Variants in GABRG3 observed in about 807,000 individuals in gnomAD.
The protein encoded by GABRG3 is gamma-aminobutyric acid receptor subunit gamma-3.
Under a neutral mutation model 48.8 loss-of-function variants are expected in GABRG3, and 25 were observed. The ratio of observed to expected loss-of-function variants is 0.51; its 90% CI spans 0.37 to 0.72. The LOEUF (loss-of-function observed/expected upper bound fraction) is 0.72. Ranked by LOEUF, GABRG3 falls within the 30% of genes least tolerant of loss-of-function variation. GABRG3 has a pLI of 0.00. For synonymous variants in GABRG3, 227 were observed against 217.6 expected (o/e 1.04, Z -0.38); for missense variants, 394 against 577.9 (o/e 0.68, Z 3.26).
intron 3 of GABRG3, among the ~76,000 whole-genome samples, chr15:27,195,566 A>G (rs954548534): frequency 9.2e-5 from 14 of 152,050 alleles, no homozygotes; most frequent in African/African-American, 3.4e-4. Flanking sequence ...TCTTGACCTC[A>G]TGATCTGCCC....
At chr15:27,161,433 G>C (rs370346562) in intron 3 of GABRG3, 5 of 152,124 alleles carry the variant, frequency 3.3e-5, no homozygotes, top group Non-Finnish European at 7.4e-5. Flanking sequence ...TGCCACAGCA[G>C]AGGAACCCTG....
intron 3 of GABRG3, among the ~76,000 whole-genome samples, chr15:27,083,678 T>G (rs367829110): frequency 2.0e-5 from 3 of 152,148 alleles, no homozygotes; most frequent in African/African-American, 7.2e-5. Flanking sequence ...TGCAGTTATA[T>G]GCAATGGCCA....
intron 3 of GABRG3, among the ~76,000 whole-genome samples, chr15:27,312,586 A>G (rs1341527372): frequency 1.3e-5 from 2 of 152,168 alleles, no homozygotes; most frequent in Non-Finnish European, 2.9e-5. Flanking sequence ...TAAAACTGTG[A>G]GTGGAGTTTC....
chr15:27,096,582 A>G (rs538060597), intron 3 of GABRG3, among the ~76,000 whole-genome samples: 14 of 152,320 alleles, frequency 9.2e-5, no homozygotes, highest in Non-Finnish European at 1.8e-4. Context: ...AGCTCTGTGT[A>G]TACATTTCAT....
At chr15:27,455,645 T>TGTGA (rs1491146035) in intron 5 of GABRG3, among the ~76,000 whole-genome samples, 1 of 151,062 alleles carries the variant, frequency 6.6e-6, no homozygotes, top group Admixed American at 6.6e-5. Context: ...GTGGGTGGTT[T>TGTGA]GTGTGTGTGA....
At chr15:27,328,658 G>A (rs796810043) in intron 4 of GABRG3, 148 bp from the exon 5 acceptor site, 56 of 635,984 alleles carry the variant, frequency 8.8e-5, no homozygotes, top group African/African-American at 4.7e-4. Context: ...CAGTCTCACC[G>A]TGAATGGTTC....
chr15:27,380,047 G>T (rs1895719438), intron 5 of GABRG3, among the ~76,000 whole-genome samples: 3 of 151,258 alleles, frequency 2.0e-5, no homozygotes, highest in Admixed American at 2.0e-4. Context: ...TTATCCGATG[G>T]TTTTTTAATG....
Position 27,028,450 on chromosome 15 carries a change from C to T in GABRG3, c.270+1629C>T, listed in dbSNP as rs755035221. Among the ~76,000 whole-genome samples, 17 of 152,166 alleles carry T rather than the reference C, an allele frequency of 1.1e-4. No homozygotes were observed. In the Middle Eastern group the frequency reaches 0.01, roughly 91 times the overall value. On this transcript the variant is annotated intron_variant, in intron 3 of 9. Coordinates refer to ENST00000615808, the MANE Select transcript of GABRG3 (RefSeq NM_033223.5). ...TCTCTTCATCCAAAACAGATCCCTGCGTTTGGAAACTGTGAAAACCTTTTC... is the reference window on the plus strand; with the variant it reads ...TCTCTTCATCCAAAACAGATCCCTGTGTTTGGAAACTGTGAAAACCTTTTC...
intron 5 of GABRG3, among the ~76,000 whole-genome samples, chr15:27,441,029 T>A (rs1162330226): frequency 6.6e-6 from 1 of 152,152 alleles, no homozygotes; most frequent in East Asian, 1.9e-4. Context: ...AAATATGCCA[T>A]CCCATCCCCA....
At chr15:27,372,022 G>T (rs953133810) in intron 5 of GABRG3, among the ~76,000 whole-genome samples, 2 of 151,934 alleles carry the variant, frequency 1.3e-5, no homozygotes, top group African/African-American at 4.8e-5. Flanking sequence ...AATTAATACT[G>T]TTCAGTATTA....
At chr15:27,482,642 T>A in intron 6 of GABRG3, among the ~76,000 whole-genome samples, 1 of 96,550 alleles carries the variant, frequency 1.0e-5, no homozygotes, top group Admixed American at 9.2e-5. Context: ...ATAATCCCTT[T>A]TTTCCAAGAA....
intron 5 of GABRG3, among the ~76,000 whole-genome samples, chr15:27,369,806 C>CAAAAAAAAAAAAAAAAAAAA (rs34901488): frequency 6.6e-5 from 2 of 30,272 alleles, no homozygotes; most frequent in African/African-American, 1.8e-4. Context: ...GACTCCGTCT[C>CAAAAAAAAAAAAAAAAAAAA]AAAAAAAAAA....
At chr15:27,029,639 C>G (rs901062137) in intron 3 of GABRG3, among the ~76,000 whole-genome samples, 1 of 152,188 alleles carries the variant, frequency 6.6e-6, no homozygotes, top group Non-Finnish European at 1.5e-5. Context: ...CGCACATTTG[C>G]CATCCGACTA....
intron 6 of GABRG3, among the ~76,000 whole-genome samples, chr15:27,501,510 A>G (rs8042731): frequency 0.1 from 15,223 of 152,018 alleles, 1,470 homozygotes; most frequent in East Asian, 0.33. Flanking sequence ...CAGATATAAT[A>G]AGTTCCATTC....
chr15:27,513,994 T>A (rs2150859541), intron 6 of GABRG3, among the ~76,000 whole-genome samples: 1 of 152,312 alleles, frequency 6.6e-6, no homozygotes, highest in Non-Finnish European at 1.5e-5. Flanking sequence ...TGACAAAAAC[T>A]TTTTCTTAAC....
At chr15:27,024,484 G>T (rs1895950280) in intron 2 of GABRG3, among the ~76,000 whole-genome samples, 1 of 152,078 alleles carries the variant, frequency 6.6e-6, no homozygotes, top group African/African-American at 2.4e-5. Context: ...TTTGTTTATG[G>T]CATAAGGTAA....
At chr15:27,010,907 G>A (rs771339315) in intron 2 of GABRG3, among the ~76,000 whole-genome samples, 9 of 152,188 alleles carry the variant, frequency 5.9e-5, no homozygotes, top group East Asian at 1.9e-4. Flanking sequence ...GTGCAATGGC[G>A]TAATCTTGGC....
At chr15:27,176,338 C>T (rs574063460) in intron 3 of GABRG3, among the ~76,000 whole-genome samples, 5 of 152,270 alleles carry the variant, frequency 3.3e-5, no homozygotes, top group East Asian at 1.9e-4. Flanking sequence ...AGCACCAAAA[C>T]GCTGAGTTCA....
intron 3 of GABRG3, among the ~76,000 whole-genome samples, chr15:27,266,213 A>G (rs999597831): frequency 6.6e-6 from 1 of 151,738 alleles, no homozygotes; most frequent in Admixed American, 6.6e-5. Context: ...TTAGTTTTCA[A>G]TTTTACATTT....
Sources: allele counts gnomAD v4.1 joint callset (sites outside exome capture counted in the v4.1 genomes callset), GRCh38; gene constraint gnomAD v4.1.1; transcripts MANE v1.5; gene names NCBI Gene and HGNC (gene_info 2026-07-23, HGNC 2026-07-21).